The following CDON variants were observed in gnomAD, a reference collection of about 807,000 sequenced individuals.
CDON encodes the protein cell adhesion molecule-related/down-regulated by oncogenes.
In CDON, 73 loss-of-function variants were observed where a neutral mutation model predicts 120.9. That is an observed-to-expected ratio of 0.60 (90% confidence interval 0.50 to 0.73). CDON has a LOEUF of 0.73. CDON is among the 30% of genes least tolerant of loss of function. The pLI, the probability that CDON is intolerant of heterozygous loss-of-function variation, is 0.00. For synonymous variants in CDON, 566 were observed against 573.5 expected, an observed-to-expected ratio of 0.99 and a Z score of 0.19; for missense variants, 1,470 against 1,587.3, an observed-to-expected ratio of 0.93 and a Z score of 1.26.
rs753827054 is a variant in CDON, at chr11:126,034,130, A to T, written c.-61-10593T>A. Among the ~76,000 whole-genome samples, 60 of 144,232 alleles carry T rather than the reference A, an allele frequency of 4.2e-4. 1 individual carries two copies. Among genetic ancestry groups the T allele is most frequent in the Non-Finnish European group, 4.3e-4 (28 of 65,100 alleles). 94.6% of individuals were successfully genotyped at this position (144,232 alleles called of 152,430 possible). On this transcript the variant is annotated intron_variant, in intron 1 of 19. Transcript: ENST00000531738. The surrounding 1 kb of genome is among the most constrained non-coding windows in gnomAD (Gnocchi z 4.5). ...ATCGTGCAATCATTCAGATCAACTTAAAAAAAAAAAAGTTCACACCTACAG... is the reference window on the plus strand; with the variant it reads ...ATCGTGCAATCATTCAGATCAACTTTAAAAAAAAAAAGTTCACACCTACAG...
chr11:126,051,939 G>A (rs975980105), intron 1 of CDON, among the ~76,000 whole-genome samples: 3 of 152,070 alleles, frequency 2.0e-5, no homozygotes, highest in Non-Finnish European at 2.9e-5. Context: ...ATGAACCACC[G>A]CACCTGGCCA....
At chr11:126,008,726 A>G (rs918902049) in intron 8 of CDON, among the ~76,000 whole-genome samples, 2 of 152,128 alleles carry the variant, frequency 1.3e-5, no homozygotes, top group African/African-American at 4.8e-5. Flanking sequence ...GAGCAGAGCC[A>G]CTCTTATTTT....
intron 3 of CDON, 24 bp downstream of exon 3, chr11:126,021,224 T>C: frequency 6.2e-7 from 1 of 1,612,642 alleles, no homozygotes; most frequent in Non-Finnish European, 8.5e-7. Flanking sequence ...AACCCATACC[T>C]AACAGGGACA....
At chr11:126,053,430 A>G (rs1948614919) in intron 1 of CDON, among the ~76,000 whole-genome samples, 1 of 152,210 alleles carries the variant, frequency 6.6e-6, no homozygotes, top group Non-Finnish European at 1.5e-5. Context: ...TCATGGCCAC[A>G]TCTAGAAATC....
At chr11:126,033,031 G>A (rs985162782) in intron 1 of CDON, among the ~76,000 whole-genome samples, 6 of 152,116 alleles carry the variant, frequency 3.9e-5, no homozygotes, top group African/African-American at 1.4e-4. Flanking sequence ...GATAATGAAT[G>A]AGTTGGACTG....
At position 126,039,269 on chromosome 11, in the gene CDON, T is replaced by C. The variant is rs537505205; in HGVS notation, c.-61-15732A>G. On this transcript the variant is annotated intron_variant, in intron 1 of 19. Coordinates refer to ENST00000531738, the MANE Select transcript of CDON (RefSeq NM_001378964.1). ...AGGTCATTTTACTCAATGGAAACTA[T>C]AGCAATGGTTCCCAAACTTTGGGAT... Among the ~76,000 whole-genome samples the C allele has an allele frequency of 6.6e-5, 10 of 152,312 alleles. No individual in the cohort carries two copies. In the South Asian group the frequency reaches 1.5e-3, roughly 22 times the overall value.
chr11:126,005,608 C>A, intron 9 of CDON, 151 bp downstream of exon 9: 1 of 735,394 alleles, frequency 1.4e-6, no homozygotes, highest in Non-Finnish European at 2.3e-6. Context: ...TTGGTAAATC[C>A]AGCATGACTG....
At chr11:126,039,243 T>C (rs1244760482) in intron 1 of CDON, among the ~76,000 whole-genome samples, 1 of 152,182 alleles carries the variant, frequency 6.6e-6, no homozygotes, top group African/African-American at 2.4e-5. Flanking sequence ...TAATTGTACA[T>C]AGGTCATTTT....
In CDON at chr11:125,994,370, T is replaced by C. The variant is rs1340478648; in HGVS notation, c.2564A>G (p.Asn855Ser). ...LKWTYIPSSN[N>S]NTPIQGFYIY... is the part of the protein sequence containing the mutation. The stretch of plus-strand genomic sequence containing the variant: ...ATAAAATCCTTGAATGGGAGTGTTA[T>C]TGTTACTTGATGGAATGTACTAAAA... The change falls in exon 14 of 20, where the codon AAT becomes AGT. Residue 855 changes from asparagine (N) to serine (S), a missense_variant. Asn to Ser is a conservative substitution (Grantham distance 46). Coordinates refer to ENST00000531738, the MANE Select transcript of CDON (RefSeq NM_001378964.1). 1.3e-6 allele frequency: 2 copies of C among 1,570,572 alleles called. No individual in the cohort carries two copies. Among genetic ancestry groups the C allele is most frequent in the Non-Finnish European group, 1.8e-6 (2 of 1,140,412 alleles).
chr11:126,018,587 A>C, intron 4 of CDON, 114 bp from the exon 5 acceptor site: 1 of 934,584 alleles, frequency 1.1e-6, no homozygotes, highest in Non-Finnish European at 1.7e-6. Flanking sequence ...TTTATTTTAG[A>C]GATGGGGGTC....
chr11:125,997,342 G>T lies in CDON; in HGVS notation c.2227C>A (p.Pro743Thr). 1 of 1,613,998 alleles carries T rather than the reference G, an allele frequency of 6.2e-7. No homozygotes were observed. Among genetic ancestry groups the T allele is most frequent in the Non-Finnish European group, 8.5e-7 (1 of 1,179,934 alleles). Reference protein sequence around the residue: ...SETSVYVTWIPRANGGSPITA... With the variant: ...SETSVYVTWITRANGGSPITA... Reference sequence around the variant, plus strand: ...ATTGGAGAACCCCCGTTTGCCCGAGGAATCCAAGTGACATAGACTGATGTC... The same window carrying T: ...ATTGGAGAACCCCCGTTTGCCCGAGTAATCCAAGTGACATAGACTGATGTC... The change falls in exon 12 of 20, where the codon CCT (proline) becomes ACT (threonine). Residue 743 changes from proline (P) to threonine (T), a missense_variant. Coordinates refer to ENST00000531738, the MANE Select transcript of CDON (RefSeq NM_001378964.1).
At chr11:125,965,900 C>T (rs1565488862) in intron 18 of CDON, among the ~76,000 whole-genome samples, 1 of 152,102 alleles carries the variant, frequency 6.6e-6, no homozygotes, top group Admixed American at 6.5e-5. Flanking sequence ...TTTGGGAGGC[C>T]GAGGCAGACG....
chr11:126,060,057 C>G (rs905012849), intron 1 of CDON, among the ~76,000 whole-genome samples: 1 of 152,036 alleles, frequency 6.6e-6, no homozygotes, highest in Non-Finnish European at 1.5e-5. Flanking sequence ...TAAAGCCCTC[C>G]CCTGTGCTGT....
intron 17 of CDON, among the ~76,000 whole-genome samples, chr11:125,980,262 C>T (rs868847254): frequency 1.3e-5 from 2 of 152,148 alleles, no homozygotes; most frequent in Non-Finnish European, 2.9e-5. Flanking sequence ...AAAAATTAAA[C>T]GCTATCAACT....
chr11:126,015,428 C>T lies in CDON; in HGVS notation c.1011G>A (p.Gly337=). 1 of 1,614,126 alleles carries T rather than the reference C, an allele frequency of 6.2e-7. No individual in the cohort carries two copies. The highest frequency in any genetic ancestry group is 1.7e-5 in the Admixed American group (1 of 60,008). The change falls in exon 7 of 20, where the codon GGG becomes GGA. Residue 337 remains glycine, a synonymous_variant. Transcript: ENST00000531738. ...ATVHFTCDVH[G]NPAPNCTWFH... The stretch of plus-strand genomic sequence containing the variant: ...ACCAGGTACAGTTGGGGGCTGGGTT[C>T]CCATGAACGTCGCAGGTAAAGTGTA...
At chr11:125,997,740 G>T (rs1438018036) in intron 11 of CDON, among the ~76,000 whole-genome samples, 1 of 152,084 alleles carries the variant, frequency 6.6e-6, no homozygotes, top group African/African-American at 2.4e-5. Context: ...GTTTGATTGT[G>T]GTTAAAATTT....
At chr11:126,009,403 G>A (rs961818010) in intron 8 of CDON, among the ~76,000 whole-genome samples, 1 of 152,206 alleles carries the variant, frequency 6.6e-6, no homozygotes, top group Non-Finnish European at 1.5e-5. Flanking sequence ...TGTGGCGGAT[G>A]GGCCAGGGGA....
At chr11:126,038,580 A>C (rs2134812270) in intron 1 of CDON, among the ~76,000 whole-genome samples, 1 of 152,080 alleles carries the variant, frequency 6.6e-6, no homozygotes, top group Admixed American at 6.5e-5. Context: ...TGAACCCAGG[A>C]GGCAGAGGTT....
At chr11:126,032,529 A>C (rs189105070) in intron 1 of CDON, among the ~76,000 whole-genome samples, 16 of 152,320 alleles carry the variant, frequency 1.1e-4, no homozygotes, top group African/African-American at 3.8e-4. Flanking sequence ...AAAGGCTTTT[A>C]AGCAGGCAAG....
Sources: gnomAD v4.1 joint callset for allele counts (sites outside exome capture counted in the v4.1 genomes callset) on GRCh38, gnomAD v4.1.1 for gene constraint, Gnocchi (gnomAD v3.1) non-coding constraint, MANE v1.5 for transcripts, NCBI Gene and HGNC (gene_info 2026-07-23, HGNC 2026-07-21) for gene names.